Variants in FLYWCH2 observed in about 807,000 individuals in gnomAD.
FLYWCH2 encodes the protein FLYWCH family member 2.
Under a neutral mutation model 6.0 loss-of-function variants are expected in FLYWCH2, and 2 were observed. That is an observed-to-expected ratio of 0.33 (90% CI 0.14 to 1.04). The LOEUF is 1.04. FLYWCH2 is among the 50% of genes least tolerant of loss of function. The probability of loss-of-function intolerance (pLI) is 0.45; values close to 1 mark genes in which losing one functional copy is unlikely to be tolerated. For missense variants in FLYWCH2, 192 were observed against 183.4 expected (o/e 1.05, Z -0.27); for synonymous variants, 87 against 79.3 (o/e 1.10, Z -0.52).
At chr16:2,893,916 G>T (rs2069788500) in intron 1 of FLYWCH2, among the ~76,000 whole-genome samples, 1 of 152,078 alleles carries the variant, frequency 6.6e-6, no homozygotes, top group African/African-American at 2.4e-5. Context: ...GGGATTACAA[G>T]CGTGAGCCAC....
At chr16:2,894,718 G>C (rs1049623229) in intron 1 of FLYWCH2, among the ~76,000 whole-genome samples, 1 of 152,228 alleles carries the variant, frequency 6.6e-6, no homozygotes, top group Non-Finnish European at 1.5e-5. Context: ...GGTGCCCCTG[G>C]GGTGGGGGCT....
chr16:2,890,237 T>G (rs1406103169), intron 1 of FLYWCH2, among the ~76,000 whole-genome samples: 12 of 145,550 alleles, frequency 8.2e-5, no homozygotes, highest in South Asian at 2.1e-4. Context: ...TGTTTTTTTT[T>G]TTTTGTTTTT....
chr16:2,897,645 C>G (rs1389109422), intron 3 of FLYWCH2, among the ~76,000 whole-genome samples: 1 of 152,230 alleles, frequency 6.6e-6, no homozygotes, highest in African/African-American at 2.4e-5. Context: ...GCCCCTTTCC[C>G]TGCACCCAGC....
At chr16:2,897,806 C>T (rs994245323) in intron 3 of FLYWCH2, among the ~76,000 whole-genome samples, 58 of 152,202 alleles carry the variant, frequency 3.8e-4, no homozygotes, top group African/African-American at 1.4e-3. Flanking sequence ...GGGCTGGGTA[C>T]ACCTTTTGAA....
chr16:2,896,275 C>T (rs982925977), intron 2 of FLYWCH2, 77 bp from the exon 3 acceptor site: 3 of 796,518 alleles, frequency 3.8e-6, no homozygotes, highest in Middle Eastern at 3.7e-4. Context: ...CCCCATCTGC[C>T]CCACCTCCCT....
intron 1 of FLYWCH2, among the ~76,000 whole-genome samples, chr16:2,884,569 A>AAAAAAAAAG (rs1206638024): frequency 1.4e-5 from 2 of 146,188 alleles, no homozygotes; most frequent in African/African-American, 5.1e-5. Context: ...AAAAAAAAAA[A>AAAAAAAAAG]AAAAAAAATA....
chr16:2,898,775 G>T lies in FLYWCH2; in HGVS notation c.323-274G>T, dbSNP rs866887839. On this transcript the variant is annotated intron_variant, in intron 3 of 3. Transcript: ENST00000396958. ...CCTCCATCCTTCCATCCCCACCCCA[G>T]GTCCAGCAGAGGCGATGGCTGCGGC... 4 of 336,976 alleles carry T rather than the reference G, an allele frequency of 1.2e-5. No individual in the cohort carries two copies. Among genetic ancestry groups the T allele is most frequent in the African/African-American group, 2.1e-5 (1 of 46,790 alleles). The allele number at this position is 336,976 out of a possible 1,614,324, so 20.9% of individuals were successfully genotyped here.
chr16:2,888,142 G>C (rs2069719336), intron 1 of FLYWCH2, among the ~76,000 whole-genome samples: 1 of 151,960 alleles, frequency 6.6e-6, no homozygotes, highest in African/African-American at 2.4e-5. Flanking sequence ...CCGAGTAGCT[G>C]TGACTATAGT....
chr16:2,896,011 A>G (rs1567306097), intron 2 of FLYWCH2, among the ~76,000 whole-genome samples: 1 of 152,218 alleles, frequency 6.6e-6, no homozygotes, highest in Non-Finnish European at 1.5e-5. Flanking sequence ...GGGACTGGAA[A>G]CAGTCCTCAG....
At chr16:2,886,195 T>C (rs1322750483) in intron 1 of FLYWCH2, among the ~76,000 whole-genome samples, 3 of 152,014 alleles carry the variant, frequency 2.0e-5, no homozygotes, top group Non-Finnish European at 4.4e-5. Context: ...TTATTTTTTT[T>C]TTTTAGACGG....
chr16:2,894,522 C>T (rs946659628), intron 1 of FLYWCH2, among the ~76,000 whole-genome samples: 1 of 152,202 alleles, frequency 6.6e-6, no homozygotes, highest in African/African-American at 2.4e-5. Context: ...AGAGTGGCCC[C>T]CAGGTCCCCG....
At chr16:2,898,531 C>A (rs2069847991) in intron 3 of FLYWCH2, among the ~76,000 whole-genome samples, 1 of 152,194 alleles carries the variant, frequency 6.6e-6, no homozygotes, top group Admixed American at 6.5e-5. Context: ...GGATCTGTTA[C>A]ACCTGAGCTC....
intron 3 of FLYWCH2, 119 bp downstream of exon 3, chr16:2,896,890 AC>A: frequency 1.0e-6 from 1 of 995,144 alleles, no homozygotes; most frequent in Non-Finnish European, 1.5e-6. Context: ...CCTGACTTTG[AC>A]CACGTGTGGA....
At chr16:2,886,887 C>A (rs1310301763) in intron 1 of FLYWCH2, among the ~76,000 whole-genome samples, 3 of 151,972 alleles carry the variant, frequency 2.0e-5, no homozygotes, top group African/African-American at 7.3e-5. Context: ...TTTATAAATT[C>A]CAGATACAAG....
chr16:2,896,910 G>A (rs1381728339), intron 3 of FLYWCH2, 139 bp downstream of exon 3: 8 of 833,700 alleles, frequency 9.6e-6, no homozygotes, highest in Non-Finnish European at 1.5e-5. Flanking sequence ...GAGAGCAGTG[G>A]CACAGGGGTT....
chr16:2,892,595 C>G (rs1016646252), intron 1 of FLYWCH2, among the ~76,000 whole-genome samples: 2 of 151,808 alleles, frequency 1.3e-5, no homozygotes, highest in Non-Finnish European at 2.9e-5. Context: ...CCTGTAATCC[C>G]AGCACTTTGG....
chr16:2,891,933 T>A (rs1055537986), intron 1 of FLYWCH2, among the ~76,000 whole-genome samples: 1 of 151,740 alleles, frequency 6.6e-6, no homozygotes, highest in Non-Finnish European at 1.5e-5. Context: ...GGCTCATGCC[T>A]GTAATCCCAG....
intron 1 of FLYWCH2, among the ~76,000 whole-genome samples, chr16:2,890,859 G>C (rs562100316): frequency 2.0e-5 from 3 of 152,042 alleles, no homozygotes; most frequent in African/African-American, 7.2e-5. Flanking sequence ...CAGCCACCTC[G>C]CCCAGCCCAG....
At chr16:2,887,215 G>A (rs1280755547) in intron 1 of FLYWCH2, among the ~76,000 whole-genome samples, 1 of 151,626 alleles carries the variant, frequency 6.6e-6, no homozygotes, top group East Asian at 1.9e-4. Context: ...GTGCAATCTC[G>A]GCTCACTGCA....
Sources: gnomAD v4.1 joint callset for allele counts (sites outside exome capture counted in the v4.1 genomes callset) on GRCh38, gnomAD v4.1.1 for gene constraint, MANE v1.5 for transcripts, NCBI Gene and HGNC (gene_info 2026-07-23, HGNC 2026-07-21) for gene names.